The following THSD7A variants were observed in gnomAD, a reference collection of about 807,000 sequenced individuals.
THSD7A encodes the protein thrombospondin type-1 domain-containing protein 7A.
In THSD7A, 96 loss-of-function variants were observed where a neutral mutation model predicts 231.3. The ratio of observed to expected loss-of-function variants is 0.41; its 90% confidence interval spans 0.35 to 0.49. The LOEUF is 0.49. Among genes scored for constraint, THSD7A ranks in the 20% least tolerant of loss-of-function variants. The pLI is 0.05. For synonymous variants in THSD7A, 940 were observed against 743.3 expected, an observed-to-expected ratio of 1.26 and a Z score of -4.30; for missense variants, 2,290 against 2,070.2, an observed-to-expected ratio of 1.11 and a Z score of -2.06.
At position 11,637,968 on chromosome 7, in the gene THSD7A, A is replaced by G. The variant is rs1409067577; in HGVS notation, c.191-1007T>C. 2.0e-5 allele frequency among the ~76,000 whole-genome samples: 3 copies of G among 150,232 alleles called. No homozygotes were observed. Among genetic ancestry groups the G allele is most frequent in the Non-Finnish European group, 3.0e-5 (2 of 67,274 alleles). ...TGTAAGTACATGATTTTCAAAAAGTATTCCATGAATTTGAGAAATTGTTTG... is the reference window on the plus strand; with the variant it reads ...TGTAAGTACATGATTTTCAAAAAGTGTTCCATGAATTTGAGAAATTGTTTG... On this transcript the variant is annotated intron_variant, in intron 1 of 27. Coordinates refer to ENST00000423059, the MANE Select transcript of THSD7A (RefSeq NM_015204.3). This position sits in a 1 kb window ranked among gnomAD's most constrained non-coding sequence, Gnocchi z 4.2.
intron 6 of THSD7A, among the ~76,000 whole-genome samples, chr7:11,503,948 C>T (rs1787442837): frequency 6.6e-6 from 1 of 152,114 alleles, no homozygotes. Flanking sequence ...GTCCAGCAAT[C>T]CCATTACTGA....
chr7:11,469,122 A>G (rs1005877766), intron 9 of THSD7A, among the ~76,000 whole-genome samples: 1 of 152,154 alleles, frequency 6.6e-6, no homozygotes, highest in Non-Finnish European at 1.5e-5. Context: ...ATAAAAGCAT[A>G]CAGGAAATTT....
chr7:11,546,500 T>A (rs773507141), intron 4 of THSD7A, among the ~76,000 whole-genome samples: 5 of 152,270 alleles, frequency 3.3e-5, no homozygotes, highest in Non-Finnish European at 5.9e-5. Flanking sequence ...GCCAGTTGAC[T>A]GAACCCAATT....
chr7:11,390,582 C>A (rs1220326370), intron 23 of THSD7A, among the ~76,000 whole-genome samples: 1 of 149,320 alleles, frequency 6.7e-6, no homozygotes, highest in Non-Finnish European at 1.5e-5. Context: ...TCGTTATTAC[C>A]CACCTTCTGT....
chr7:11,628,552 TTC>T (rs139378850), intron 2 of THSD7A, among the ~76,000 whole-genome samples: 16,664 of 150,790 alleles, frequency 0.11, 2,627 homozygotes, highest in African/African-American at 0.34. Flanking sequence ...TGCACGCACT[TTC>T]TCTCTCTCTC....
chr7:11,462,113 T>A lies in THSD7A; in HGVS notation c.2399A>T (p.His800Leu), dbSNP rs750735011. 2 of 1,613,774 alleles carry A rather than the reference T, an allele frequency of 1.2e-6. No homozygotes were observed. The highest frequency in any genetic ancestry group is 2.2e-5 in the South Asian group (2 of 91,080). ...GGCTGGCAGCTGAATGATGACCCGA[T>A]GCCTAGACTGCTTCCTGATACTGGA... ...GDSSIRKQSR[H>L]RVIIQLPANG... is the part of the protein sequence containing the mutation. The change falls in exon 10 of 28, where the codon CAT (histidine) becomes CTT (leucine). Residue 800 changes from histidine to leucine, a missense_variant. Coordinates refer to ENST00000423059, the MANE Select transcript of THSD7A (RefSeq NM_015204.3).
chr7:11,607,336 T>A (rs1340607183), intron 2 of THSD7A, among the ~76,000 whole-genome samples: 1 of 152,034 alleles, frequency 6.6e-6, no homozygotes, highest in African/African-American at 2.4e-5. Context: ...GTCAAGAGAT[T>A]TAAGATATTC....
chr7:11,808,510 T>C (rs760427100), intron 1 of THSD7A, among the ~76,000 whole-genome samples: 1 of 152,170 alleles, frequency 6.6e-6, no homozygotes, highest in Non-Finnish European at 1.5e-5. Flanking sequence ...TATTCTGTTA[T>C]AGCAGCACAA....
intron 1 of THSD7A, among the ~76,000 whole-genome samples, chr7:11,773,629 A>G (rs2128172365): frequency 6.6e-6 from 1 of 152,302 alleles, no homozygotes; most frequent in East Asian, 1.9e-4. Context: ...ACATATTTGA[A>G]TACATAAGAC....
chr7:11,681,201 G>T (rs901773388), intron 1 of THSD7A, among the ~76,000 whole-genome samples: 5 of 151,934 alleles, frequency 3.3e-5, no homozygotes, highest in African/African-American at 1.2e-4. Context: ...GGGTCAGTCA[G>T]GGGGTGGGGA....
chr7:11,437,000 T>TTTGG (rs1386064469), intron 13 of THSD7A, among the ~76,000 whole-genome samples: 1 of 152,134 alleles, frequency 6.6e-6, no homozygotes, highest in Non-Finnish European at 1.5e-5. Context: ...ATTTTTCTTT[T>TTTGG]TTGGTTGTTG....
intron 3 of THSD7A, 133 bp downstream of exon 3, chr7:11,593,121 T>C: frequency 7.8e-7 from 1 of 1,288,922 alleles, no homozygotes; most frequent in Non-Finnish European, 1.0e-6. Context: ...AAAAAGTTTT[T>C]TTTAAGGATA....
At chr7:11,686,732 C>G (rs1443461108) in intron 1 of THSD7A, among the ~76,000 whole-genome samples, 1 of 151,796 alleles carries the variant, frequency 6.6e-6, no homozygotes, top group Non-Finnish European at 1.5e-5. Flanking sequence ...AGTGCAGGAA[C>G]AGAAAACAAA....
At chr7:11,672,977 TG>T (rs1247255070) in intron 1 of THSD7A, among the ~76,000 whole-genome samples, 2 of 152,182 alleles carry the variant, frequency 1.3e-5, no homozygotes, top group Non-Finnish European at 2.9e-5. Context: ...ATAAGGTTTC[TG>T]GGGGCAAGAT....
chr7:11,510,244 T>G (rs777958863), intron 6 of THSD7A, among the ~76,000 whole-genome samples: 1 of 152,130 alleles, frequency 6.6e-6, no homozygotes, highest in Non-Finnish European at 1.5e-5. Context: ...AATCCCTGAA[T>G]AGACCAACAA....
intron 1 of THSD7A, among the ~76,000 whole-genome samples, chr7:11,694,531 C>T (rs1027061282): frequency 7.3e-5 from 11 of 151,508 alleles, no homozygotes; most frequent in Admixed American, 2.6e-4. Context: ...ACAAGTGATG[C>T]TACCTTGCAG....
At chr7:11,769,194 AC>A (rs1385065528) in intron 1 of THSD7A, among the ~76,000 whole-genome samples, 2 of 111,440 alleles carry the variant, frequency 1.8e-5, no homozygotes, top group Admixed American at 2.2e-4. Context: ...ATGGGGTTTC[AC>A]TATGTTAGCC....
intron 4 of THSD7A, among the ~76,000 whole-genome samples, chr7:11,552,700 G>T (rs1789681570): frequency 6.6e-6 from 1 of 152,108 alleles, no homozygotes; most frequent in African/African-American, 2.4e-5. Flanking sequence ...TGCCAATCAT[G>T]TTTAAAATGG....
At chr7:11,780,395 G>A (rs1339666349) in intron 1 of THSD7A, among the ~76,000 whole-genome samples, 1 of 152,158 alleles carries the variant, frequency 6.6e-6, no homozygotes, top group Non-Finnish European at 1.5e-5. Context: ...ATAAGCTCTA[G>A]TCTTGCTTTT....
Sources: allele counts gnomAD v4.1 joint callset (sites outside exome capture counted in the v4.1 genomes callset), GRCh38; gene constraint gnomAD v4.1.1; non-coding constraint Gnocchi (gnomAD v3.1); transcripts MANE v1.5; gene names NCBI Gene and HGNC (gene_info 2026-07-23, HGNC 2026-07-21).